RELN: variants seen among roughly 807,000 people sequenced by gnomAD.
RELN encodes reelin.
In RELN, 108 loss-of-function variants were observed where a neutral mutation model predicts 427.6. That is an observed-to-expected ratio of 0.25 (90% CI 0.22 to 0.30). The LOEUF is 0.30. Ranked by LOEUF, RELN falls within the 10% of genes least tolerant of loss-of-function variation. The pLI is 1.00. For missense variants in RELN, 3,715 were observed against 4,302.8 expected (o/e 0.86, Z 3.82); for synonymous variants, 1,524 against 1,513.4 (o/e 1.01, Z -0.16).
chr7:103,478,255 C>G, intron 64 of RELN, 134 bp downstream of exon 64: 2 of 615,114 alleles, frequency 3.3e-6, no homozygotes, highest in Middle Eastern at 3.3e-4. Flanking sequence ...ATACCAGTAT[C>G]ATTTATTACT....
chr7:103,610,503 T>C (rs1482935251), intron 22 of RELN, among the ~76,000 whole-genome samples, 192 bp downstream of exon 22: 1 of 152,210 alleles, frequency 6.6e-6, no homozygotes, highest in Non-Finnish European at 1.5e-5. Flanking sequence ...TTATTAGCTC[T>C]CTTTTTCAAA....
At chr7:103,778,047 C>A (rs1383400725) in intron 3 of RELN, among the ~76,000 whole-genome samples, 1 of 152,172 alleles carries the variant, frequency 6.6e-6, no homozygotes, top group African/African-American at 2.4e-5. Context: ...GCATATTAAT[C>A]ATTATCAAAA....
At chr7:103,719,633 A>G (rs577364574) in intron 8 of RELN, among the ~76,000 whole-genome samples, 8 of 152,190 alleles carry the variant, frequency 5.3e-5, no homozygotes, top group Non-Finnish European at 1.2e-4. Flanking sequence ...TACTACCGCC[A>G]TTTCCTTTGG....
At chr7:103,509,395 C>T (rs903115855) in intron 51 of RELN, among the ~76,000 whole-genome samples, 3 of 152,166 alleles carry the variant, frequency 2.0e-5, no homozygotes, top group African/African-American at 7.2e-5. Context: ...CAAAAACAAG[C>T]AATGGGGAAA....
chr7:103,605,148 C>A lies in RELN; in HGVS notation c.3009-665G>T, dbSNP rs182044548. ...CCCTGCCAACTGAGCCTTTTATAGA[C>A]AAAAATGTAAGATGTTTAACCTTAG... On this transcript the variant is annotated intron_variant, in intron 22 of 64. Coordinates refer to ENST00000428762, the MANE Select transcript of RELN (RefSeq NM_005045.4). Among the ~76,000 whole-genome samples the A allele has an allele frequency of 3.9e-5, 6 of 152,098 alleles. No homozygotes were observed. The East Asian group carries it at 1.2e-3, about 29-fold the overall frequency.
intron 2 of RELN, among the ~76,000 whole-genome samples, chr7:103,903,890 GGTTT>G (rs544333484): frequency 9.9e-5 from 15 of 151,656 alleles, no homozygotes; most frequent in Non-Finnish European, 2.1e-4. Context: ...AGAATGTGCA[GGTTT>G]GTTACATAGG....
chr7:103,482,453 C>G (rs1263402071), intron 63 of RELN, among the ~76,000 whole-genome samples: 4 of 152,164 alleles, frequency 2.6e-5, no homozygotes, highest in African/African-American at 9.7e-5. Context: ...CCACATCATT[C>G]AATGGAGAAT....
chr7:103,905,346 C>T (rs886239854), intron 2 of RELN, among the ~76,000 whole-genome samples: 1 of 152,116 alleles, frequency 6.6e-6, no homozygotes, highest in Admixed American at 6.6e-5. Context: ...TGTCTGCCAC[C>T]TCCAGGAGAG....
intron 51 of RELN, among the ~76,000 whole-genome samples, chr7:103,509,455 A>G (rs1161885958): frequency 6.6e-6 from 1 of 152,222 alleles, no homozygotes; most frequent in African/African-American, 2.4e-5. Flanking sequence ...AGCCATATGC[A>G]AAAAGCTGAA....
chr7:103,661,416 G>A lies in RELN; in HGVS notation c.1401C>T (p.Asp467=), dbSNP rs1442547285. Residue 467 remains aspartate (D), a synonymous_variant, in exon 12 of 65, where the codon GAC becomes GAT. Coordinates refer to ENST00000428762, the MANE Select transcript of RELN (RefSeq NM_005045.4). ...GERKLCTPSM[D]TTGYGNLRFY... ...ACCTCAGGTTCCCATAACCGGTAGTGTCCATGGATGGAGTGCATAATTTCC... is the reference window on the plus strand; with the variant it reads ...ACCTCAGGTTCCCATAACCGGTAGTATCCATGGATGGAGTGCATAATTTCC... 20 of 1,613,704 alleles carry A rather than the reference G, an allele frequency of 1.2e-5. No individual in the cohort carries two copies. Among genetic ancestry groups the A allele is most frequent in the Non-Finnish European group, 1.6e-5 (19 of 1,179,838 alleles).
At chr7:103,530,916 G>A (rs1050361813) in intron 46 of RELN, among the ~76,000 whole-genome samples, 7 of 152,126 alleles carry the variant, frequency 4.6e-5, no homozygotes, top group Admixed American at 2.0e-4. Flanking sequence ...TTGGGTATAT[G>A]TCTAATTTTC....
chr7:103,830,187 T>A (rs952616341), intron 3 of RELN, among the ~76,000 whole-genome samples: 2 of 151,920 alleles, frequency 1.3e-5, no homozygotes, highest in African/African-American at 4.8e-5. Context: ...AAATATAATA[T>A]CATTATTAGC....
chr7:103,611,181 CAT>C (rs1221356768), intron 21 of RELN, among the ~76,000 whole-genome samples: 4 of 152,108 alleles, frequency 2.6e-5, no homozygotes, highest in African/African-American at 9.7e-5. Flanking sequence ...ATTGCTAAGA[CAT>C]GTATGAATTT....
intron 2 of RELN, among the ~76,000 whole-genome samples, chr7:103,842,440 G>A (rs1793574737): frequency 1.3e-5 from 2 of 151,986 alleles, no homozygotes; most frequent in African/African-American, 4.8e-5. Context: ...TTCTTTCCTA[G>A]GTCAATGTAC....
chr7:103,839,595 C>T (rs1040709634), intron 2 of RELN, among the ~76,000 whole-genome samples: 2 of 151,992 alleles, frequency 1.3e-5, no homozygotes, highest in Admixed American at 1.3e-4. Flanking sequence ...TTAAATAAAG[C>T]AGCTAGAAAA....
intron 4 of RELN, among the ~76,000 whole-genome samples, chr7:103,774,192 G>A (rs184180058): frequency 5.3e-5 from 8 of 151,856 alleles, no homozygotes; most frequent in African/African-American, 1.9e-4. Flanking sequence ...AGCTACTCAG[G>A]AGGCTGAGGC....
At chr7:103,872,028 A>ATTTTTTTTTTTTTTTTTTTTTT (rs142665123) in intron 2 of RELN, among the ~76,000 whole-genome samples, 1 of 104,750 alleles carries the variant, frequency 9.5e-6, no homozygotes. Flanking sequence ...ATATATATAT[A>ATTTTTTTTTTTTTTTTTTTTTT]TATTTTTCTT....
chr7:103,931,601 A>G (rs1214688307), intron 1 of RELN, among the ~76,000 whole-genome samples: 1 of 152,192 alleles, frequency 6.6e-6, no homozygotes, highest in Non-Finnish European at 1.5e-5. Context: ...TTAGAATATG[A>G]ATTTAAATTA....
intron 3 of RELN, among the ~76,000 whole-genome samples, chr7:103,821,065 G>A (rs1039384715): frequency 6.6e-6 from 1 of 152,106 alleles, no homozygotes; most frequent in Non-Finnish European, 1.5e-5. Context: ...AGGTTTTGCT[G>A]TTTCACAAGC....
Sources: gnomAD v4.1 joint callset for allele counts (sites outside exome capture counted in the v4.1 genomes callset) on GRCh38, gnomAD v4.1.1 for gene constraint, MANE v1.5 for transcripts, NCBI Gene and HGNC (gene_info 2026-07-23, HGNC 2026-07-21) for gene names.